The following ITSN1 variants were observed in gnomAD, a reference collection of about 807,000 sequenced individuals.
ITSN1 encodes the protein intersectin-1.
ITSN1 carries 58 observed loss-of-function variants against 239.8 expected under a neutral mutation model. The ratio of observed to expected loss-of-function variants is 0.24; its 90% CI spans 0.20 to 0.30. The LOEUF is 0.30. Ranked by LOEUF, ITSN1 falls within the 10% of genes least tolerant of loss-of-function variation. The probability of loss-of-function intolerance (pLI) is 1.00; values close to 1 mark genes in which losing one functional copy is unlikely to be tolerated. For synonymous variants in ITSN1, 780 were observed against 770.8 expected (o/e 1.01, Z -0.20); for missense variants, 1,558 against 2,103.3 (o/e 0.74, Z 5.07).
Position 33,865,515 on chromosome 21 carries a change from G to A in ITSN1, c.4074+181G>A, listed in dbSNP as rs1375835904. On this transcript the variant is annotated intron_variant, in intron 32 of 39. Transcript: ENST00000381318. This position sits in a 1 kb window ranked among gnomAD's most constrained non-coding sequence, Gnocchi z 4.4. ...TGGCAAGTGTGGCTGTCACCAAAGG[G>A]GTGGGCTTGGAGAGGAGGGGTGAAC... Among the ~76,000 whole-genome samples, 1 of 152,240 alleles carries A rather than the reference G, an allele frequency of 6.6e-6. No homozygotes were observed. The highest frequency in any genetic ancestry group is 2.4e-5 in the African/African-American group (1 of 41,456).
intron 22 of ITSN1, chr21:33,817,174 G>A: frequency 8.1e-7 from 1 of 1,231,394 alleles, no homozygotes; most frequent in Non-Finnish European, 1.0e-6. Flanking sequence ...TTAAGATACT[G>A]TAATGGTTTA....
At chr21:33,687,305 C>T (rs551283119) in intron 1 of ITSN1, among the ~76,000 whole-genome samples, 7 of 146,276 alleles carry the variant, frequency 4.8e-5, no homozygotes, top group South Asian at 2.1e-4. Context: ...GGCTGTGGCA[C>T]GAGAATTGCT....
At chr21:33,860,673 A>G (rs1412708925) in intron 31 of ITSN1, among the ~76,000 whole-genome samples, 1 of 152,140 alleles carries the variant, frequency 6.6e-6, no homozygotes, top group Non-Finnish European at 1.5e-5. Flanking sequence ...AGAGAGGCTG[A>G]GTGACTTCCC....
chr21:33,823,707 G>A, intron 25 of ITSN1, 54 bp downstream of exon 25: 1 of 1,524,710 alleles, frequency 6.6e-7, no homozygotes, highest in Non-Finnish European at 8.9e-7. Context: ...TTCTCTTTGT[G>A]GGGAGTCACG....
intron 4 of ITSN1, among the ~76,000 whole-genome samples, chr21:33,727,607 CAAAA>C (rs201596116): frequency 4.3e-5 from 3 of 69,760 alleles, no homozygotes; most frequent in South Asian, 9.2e-4. Context: ...TAAACTCATA[CAAAA>C]AAAAAAAAAA....
Position 33,750,277 on chromosome 21 carries a change from G to A in ITSN1, c.481G>A (p.Gly161Arg), listed in dbSNP as rs775859329. 6 of 1,613,718 alleles carry A rather than the reference G, an allele frequency of 3.7e-6. No homozygotes were observed. In the African/African-American group the frequency reaches 4.0e-5, roughly 11 times the overall value. Reference sequence around the variant, plus strand: ...AGCAGCTGTGCCCCCCCTGGCTAACGGGGCTCCCCCTGTTATACAACCTCT... The same window carrying A: ...AGCAGCTGTGCCCCCCCTGGCTAACAGGGCTCCCCCTGTTATACAACCTCT... ...PTAAVPPLAN[G>R]APPVIQPLPA... Residue 161 changes from glycine (G) to arginine (R), a missense_variant, in exon 6 of 40, where the codon GGG (glycine) becomes AGG (arginine). Around this residue, in one of 2 missense-constraint regions of ITSN1, gnomAD observed 982 missense variants for 1,209.9 expected, o/e 0.81. Transcript: ENST00000381318.
chr21:33,711,491 T>A (rs1349374593), intron 1 of ITSN1, among the ~76,000 whole-genome samples: 1 of 152,160 alleles, frequency 6.6e-6, no homozygotes, highest in Non-Finnish European at 1.5e-5. Flanking sequence ...TAATTATCGG[T>A]TGTTGGAATT....
intron 16 of ITSN1, among the ~76,000 whole-genome samples, chr21:33,792,901 T>G (rs2071256323): frequency 6.6e-6 from 1 of 151,864 alleles, no homozygotes; most frequent in Admixed American, 6.6e-5. Flanking sequence ...CCCCCTTCCT[T>G]CCTTTCCTTT....
intron 25 of ITSN1, among the ~76,000 whole-genome samples, chr21:33,826,500 G>T (rs2073979930): frequency 6.6e-6 from 1 of 152,182 alleles, no homozygotes; most frequent in Admixed American, 6.5e-5. Context: ...TAAACTAACA[G>T]TCTTCCTAGC....
intron 16 of ITSN1, among the ~76,000 whole-genome samples, chr21:33,790,376 TGAC>T (rs2071024802): frequency 6.6e-6 from 1 of 152,060 alleles, no homozygotes; most frequent in Admixed American, 6.5e-5. Context: ...TACAATTTCT[TGAC>T]TACTTAATAA....
In ITSN1 at chr21:33,715,418, A is replaced by G. The variant is rs555681736; in HGVS notation, c.-32-3379A>G. 1.2e-4 allele frequency among the ~76,000 whole-genome samples: 19 copies of G among 152,320 alleles called. No individual in the cohort carries two copies. The South Asian group carries it at 3.9e-3, about 32-fold the overall frequency. On this transcript the variant is annotated intron_variant, in intron 1 of 39. Coordinates refer to ENST00000381318, the MANE Select transcript of ITSN1 (RefSeq NM_003024.3). Reference sequence around the variant, plus strand: ...AACTGAATGAACAGAATGTATTCTCATATATATTAAATATCTGTTTTACTA... The same window carrying G: ...AACTGAATGAACAGAATGTATTCTCGTATATATTAAATATCTGTTTTACTA...
chr21:33,875,801 C>T (rs183423598), intron 34 of ITSN1, among the ~76,000 whole-genome samples: 329 of 152,288 alleles, frequency 2.2e-3, no homozygotes, highest in Admixed American at 3.9e-3. Flanking sequence ...CTGCCTCAGC[C>T]TCCTGAATAG....
At chr21:33,784,813 A>C (rs967143302) in intron 16 of ITSN1, among the ~76,000 whole-genome samples, 8 of 152,246 alleles carry the variant, frequency 5.3e-5, no homozygotes, top group Non-Finnish European at 1.0e-4. Flanking sequence ...GCATGTGTCC[A>C]TTAGCAACCA....
chr21:33,680,955 A>G (rs1401861135), intron 1 of ITSN1, among the ~76,000 whole-genome samples: 2 of 152,212 alleles, frequency 1.3e-5, no homozygotes, highest in Non-Finnish European at 1.5e-5. Context: ...AACAATCTCC[A>G]AATCTCAGTA....
At chr21:33,850,622 C>T (rs527957008) in intron 29 of ITSN1, among the ~76,000 whole-genome samples, 4 of 152,292 alleles carry the variant, frequency 2.6e-5, no homozygotes, top group East Asian at 1.9e-4. Flanking sequence ...ACCCCGGGGC[C>T]GAGCGTGGAT....
chr21:33,814,151 G>C (rs1602396089), intron 22 of ITSN1, 79 bp downstream of exon 22: 1 of 1,450,518 alleles, frequency 6.9e-7, no homozygotes, highest in East Asian at 2.5e-5. Context: ...TTTTGGCAAT[G>C]TCATTTTGAA....
intron 22 of ITSN1, among the ~76,000 whole-genome samples, chr21:33,816,245 T>C (rs1212162637): frequency 6.6e-6 from 1 of 151,928 alleles, no homozygotes; most frequent in African/African-American, 2.4e-5. Flanking sequence ...CCGTAATAGA[T>C]CATTGCACAT....
intron 1 of ITSN1, among the ~76,000 whole-genome samples, chr21:33,659,182 GGA>G (rs2089343697): frequency 6.6e-6 from 1 of 152,206 alleles, no homozygotes; most frequent in Non-Finnish European, 1.5e-5. Context: ...TGTGAGGTTC[GGA>G]GAGCTGGGTT....
Position 33,721,248 on chromosome 21 carries a change from G to A in ITSN1, c.99G>A (p.Lys33=), listed in dbSNP as rs775242376. ...ATGATCAGCAGTTCCATAGTTTAAA[G>A]CCAATATCTGGATTCATTACTGGTA... is the stretch of plus-strand genomic sequence containing the variant. ...AKHDQQFHSL[K]PISGFITGDQ... is the part of the protein sequence containing the mutation. Residue 33 remains lysine (K), a synonymous_variant, in exon 3 of 40, where the codon AAG becomes AAA. Transcript: ENST00000381318. 3 of 1,609,550 alleles carry A rather than the reference G, an allele frequency of 1.9e-6. No homozygotes were observed. The highest frequency in any genetic ancestry group is 1.3e-5 in the African/African-American group (1 of 74,952).
Sources: gnomAD v4.1 joint callset for allele counts (sites outside exome capture counted in the v4.1 genomes callset) on GRCh38, gnomAD v4.1.1 for gene constraint, gnomAD v4.1.1 regional missense constraint, Gnocchi (gnomAD v3.1) non-coding constraint, MANE v1.5 for transcripts, NCBI Gene and HGNC (gene_info 2026-07-23, HGNC 2026-07-21) for gene names.